The following SLC8B1 variants were observed in gnomAD, a reference collection of about 807,000 sequenced individuals.
The protein encoded by SLC8B1 is solute carrier family 8 member B1, also known as mitochondrial sodium/calcium exchanger protein.
In SLC8B1, 52 loss-of-function variants were observed where a neutral mutation model predicts 63.4. That is an observed-to-expected ratio of 0.82 (90% CI 0.66 to 1.03). SLC8B1 has a LOEUF of 1.03. Ranked by LOEUF, SLC8B1 falls within the 50% of genes least tolerant of loss-of-function variation. SLC8B1 has a pLI of 0.00. For synonymous variants in SLC8B1, 336 were observed against 323.9 expected (o/e 1.04, Z -0.40); for missense variants, 657 against 741.7 (o/e 0.89, Z 1.33).
At chr12:113,325,808 C>A (rs1956990387) in intron 2 of SLC8B1, among the ~76,000 whole-genome samples, 1 of 152,158 alleles carries the variant, frequency 6.6e-6, no homozygotes, top group Admixed American at 6.6e-5. Context: ...TGTGATCCAC[C>A]CGCCTCGGCC....
intron 7 of SLC8B1, 42 bp from the exon 8 acceptor site, chr12:113,319,113 G>T: frequency 6.7e-7 from 1 of 1,498,780 alleles, no homozygotes; most frequent in Non-Finnish European, 9.3e-7. Flanking sequence ...GTGTCCTGGT[G>T]CAGGTCTAGA....
intron 2 of SLC8B1, among the ~76,000 whole-genome samples, chr12:113,323,167 G>A (rs1956954243): frequency 6.6e-6 from 1 of 152,082 alleles, no homozygotes; most frequent in African/African-American, 2.4e-5. Context: ...GCTTATAAGT[G>A]GTTCTAGAAC....
chr12:113,320,104 A>T lies in SLC8B1; in HGVS notation c.694+227T>A. ...CATCACGCTTGGCCAAAAAATTGTG[A>T]CACTTTTGAATACTCCCTCCCCAGC... is the stretch of plus-strand genomic sequence containing the variant. On this transcript the variant is annotated intron_variant, in intron 7 of 15. Transcript: ENST00000680972. This position sits in a 1 kb window ranked among gnomAD's most constrained non-coding sequence, Gnocchi z 5.3. The T allele has an allele frequency of 1.8e-6, 1 of 542,602 alleles. No individual in the cohort carries two copies. Among genetic ancestry groups the T allele is most frequent in the East Asian group, 3.2e-5 (1 of 31,684 alleles). The allele number at this position is 542,602 out of a possible 1,614,324, so 33.6% of individuals were successfully genotyped here.
At chr12:113,326,669 TTTTC>T (rs746303714) in intron 2 of SLC8B1, among the ~76,000 whole-genome samples, 1 of 150,744 alleles carries the variant, frequency 6.6e-6, no homozygotes, top group South Asian at 2.1e-4. Flanking sequence ...GACTGGCCTC[TTTTC>T]TTTCTCTCTC....
chr12:113,317,967 T>C (rs538650934), intron 8 of SLC8B1, among the ~76,000 whole-genome samples: 1 of 152,212 alleles, frequency 6.6e-6, no homozygotes, highest in African/African-American at 2.4e-5. Context: ...GTATCCTGTG[T>C]CTATACACAT....
chr12:113,315,886 C>G (rs1393573603), intron 10 of SLC8B1, among the ~76,000 whole-genome samples: 1 of 152,178 alleles, frequency 6.6e-6, no homozygotes, highest in Non-Finnish European at 1.5e-5. Context: ...TGTGCCAACC[C>G]CTGTGATGAC....
At chr12:113,312,974 C>T (rs974776520) in intron 11 of SLC8B1, among the ~76,000 whole-genome samples, 2 of 151,932 alleles carry the variant, frequency 1.3e-5, no homozygotes, top group African/African-American at 4.8e-5. Context: ...GGTGCAATCT[C>T]GGCTCACTGC....
In SLC8B1 at chr12:113,319,732, C is replaced by T. The variant is rs142167107; in HGVS notation, c.694+599G>A. Among the ~76,000 whole-genome samples the T allele has an allele frequency of 5.3e-3, 801 of 152,312 alleles. 9 individuals carry two copies. The highest frequency in any genetic ancestry group is 0.018 in the African/African-American group (760 of 41,558). On this transcript the variant is annotated intron_variant, in intron 7 of 15. Coordinates refer to ENST00000680972, the MANE Select transcript of SLC8B1 (RefSeq NM_001358345.2). ...TCTGAATGGAACATGTTTGCTGTCACGATCCGGGTGGCCCCAGTTAGCGTC... is the reference window on the plus strand; with the variant it reads ...TCTGAATGGAACATGTTTGCTGTCATGATCCGGGTGGCCCCAGTTAGCGTC...
chr12:113,315,233 T>G, intron 11 of SLC8B1, 102 bp downstream of exon 11: 18 of 1,241,320 alleles, frequency 1.5e-5, no homozygotes, highest in Non-Finnish European at 1.9e-5. Flanking sequence ...GAGGTTGCAG[T>G]GAGCTGAGAT....
rs748731185 is a variant in SLC8B1 at position 113,299,727 on chromosome 12, A to AG, written c.*49dup. 3 of 1,574,428 alleles carry AG rather than the reference A, an allele frequency of 1.9e-6. No homozygotes were observed. In the African/African-American group the frequency reaches 4.1e-5, roughly 21 times the overall value. On this transcript the variant is annotated 3_prime_UTR_variant, in exon 16 of 16. Transcript: ENST00000680972. ...CGGTCCCTGGGCCTCCCCCGGCAGG[A>AG]GGGGCGGGGCTCCTGCCTGCAGTGA...
At chr12:113,331,776 TATA>T (rs1481274694) in intron 2 of SLC8B1, among the ~76,000 whole-genome samples, 2 of 152,138 alleles carry the variant, frequency 1.3e-5, no homozygotes, top group East Asian at 1.9e-4. Flanking sequence ...CCCCTTTACA[TATA>T]CATCTATCCT....
chr12:113,309,453 A>C (rs1956725656), intron 12 of SLC8B1, among the ~76,000 whole-genome samples: 1 of 152,200 alleles, frequency 6.6e-6, no homozygotes, highest in Non-Finnish European at 1.5e-5. Flanking sequence ...CTATCCCTGG[A>C]GTGTCTTTAG....
chr12:113,318,312 C>T (rs1023309537), intron 8 of SLC8B1, among the ~76,000 whole-genome samples: 10 of 148,884 alleles, frequency 6.7e-5, no homozygotes, highest in East Asian at 2.0e-4. Flanking sequence ...TGTGTATGTG[C>T]GCATGCATGC....
intron 15 of SLC8B1, among the ~76,000 whole-genome samples, chr12:113,301,370 CTT>C (rs1956585713): frequency 7.8e-6 from 1 of 127,776 alleles, no homozygotes; most frequent in African/African-American, 3.1e-5. Context: ...GAGTCTCACT[CTT>C]GTTGCCCAGG....
Position 113,298,905 on chromosome 12 carries a change from A to G in SLC8B1, c.*872T>C, listed in dbSNP as rs1297694891. On this transcript the variant is annotated 3_prime_UTR_variant, in exon 16 of 16. Coordinates refer to ENST00000680972, the MANE Select transcript of SLC8B1 (RefSeq NM_001358345.2). The stretch of plus-strand genomic sequence containing the variant: ...GGCGGGGTCATTGCATGACAGCAAG[A>G]AGGCACGAGGTCCCCTCATCTGTCC... The G allele has an allele frequency of 6.6e-6, 1 of 152,316 alleles. No homozygotes were observed. The highest frequency in any genetic ancestry group is 2.1e-4 in the South Asian group (1 of 4,832). The allele number at this position is 152,316 out of a possible 1,614,324, so 9.4% of individuals were successfully genotyped here.
chr12:113,316,849 T>C (rs1439524643), intron 9 of SLC8B1, 93 bp downstream of exon 9: 26 of 1,518,208 alleles, frequency 1.7e-5, no homozygotes, highest in Non-Finnish European at 2.2e-5. Context: ...TGGAGCCTCA[T>C]TCCTGGAGCC....
intron 2 of SLC8B1, among the ~76,000 whole-genome samples, chr12:113,326,935 C>T (rs1276204310): frequency 6.6e-6 from 1 of 152,134 alleles, no homozygotes; most frequent in Non-Finnish European, 1.5e-5. Flanking sequence ...ATCAACTATT[C>T]CCACCAAAAC....
chr12:113,328,283 C>T (rs1221708298), intron 2 of SLC8B1, among the ~76,000 whole-genome samples: 1 of 152,214 alleles, frequency 6.6e-6, no homozygotes, highest in Non-Finnish European at 1.5e-5. Context: ...CCCGCCTCGG[C>T]CTTCCAACGT....
intron 10 of SLC8B1, among the ~76,000 whole-genome samples, chr12:113,315,915 G>A (rs895731302): frequency 5.9e-5 from 9 of 152,186 alleles, no homozygotes; most frequent in Non-Finnish European, 1.2e-4. Context: ...CACTGGATAA[G>A]CCAGGCTCAT....
Sources: gnomAD v4.1 joint callset for allele counts (sites outside exome capture counted in the v4.1 genomes callset) on GRCh38, gnomAD v4.1.1 for gene constraint, Gnocchi (gnomAD v3.1) non-coding constraint, MANE v1.5 for transcripts, NCBI Gene and HGNC (gene_info 2026-07-23, HGNC 2026-07-21) for gene names.